ADAMTS14: variants seen among roughly 807,000 people sequenced by gnomAD.
The protein encoded by ADAMTS14 is A disintegrin and metalloproteinase with thrombospondin motifs 14.
ADAMTS14 carries 100 observed loss-of-function variants against 128.6 expected under a neutral mutation model. The observed-to-expected ratio is 0.78, with a 90% confidence interval of 0.66 to 0.92. The LOEUF (loss-of-function observed/expected upper bound fraction) is 0.92, where lower values mean the gene tolerates loss of function less well. Ranked by LOEUF, ADAMTS14 falls within the 40% of genes least tolerant of loss-of-function variation. The pLI is 0.00. For synonymous variants in ADAMTS14, 665 were observed against 653.8 expected, an observed-to-expected ratio of 1.02 and a Z score of -0.26; for missense variants, 1,562 against 1,658.6, an observed-to-expected ratio of 0.94 and a Z score of 1.01.
At chr10:70,724,465 A>G (rs1350284888) in intron 4 of ADAMTS14, among the ~76,000 whole-genome samples, 1 of 152,192 alleles carries the variant, frequency 6.6e-6, no homozygotes, top group Non-Finnish European at 1.5e-5. Flanking sequence ...GCAGCCATGG[A>G]GGGCCAAGGC....
chr10:70,710,354 C>T (rs1338563020), intron 4 of ADAMTS14, among the ~76,000 whole-genome samples: 2 of 152,234 alleles, frequency 1.3e-5, no homozygotes, highest in Non-Finnish European at 1.5e-5. Flanking sequence ...TTGAGTGAGG[C>T]CTCTTTTGAA....
At chr10:70,685,045 C>T (rs1009886739) in intron 2 of ADAMTS14, among the ~76,000 whole-genome samples, 4 of 152,282 alleles carry the variant, frequency 2.6e-5, no homozygotes, top group Non-Finnish European at 4.4e-5. Context: ...CCCATTCCAG[C>T]AAGGGCTGGT....
rs546518440 is a variant in ADAMTS14 at position 70,735,209 on chromosome 10, T to A, written c.1393T>A (p.Trp465Arg). 36 of 1,613,772 alleles carry A rather than the reference T, an allele frequency of 2.2e-5. 1 individual carries two copies. In the South Asian group the frequency reaches 3.5e-4, roughly 16 times the overall value. ...CLLDDPFDPA[W>R]PQPPELPGIN... ...CCTCGATGACCCCTTTGATCCTGCC[T>A]GGCCCCAGCCCCCAGAGCTGCCTGG... The change falls in exon 9 of 22, where the codon TGG becomes AGG. Residue 465 changes from tryptophan (W) to arginine (R), a missense_variant. Coordinates refer to ENST00000373207, the MANE Select transcript of ADAMTS14 (RefSeq NM_080722.4).
chr10:70,722,594 T>C (rs1841305655), intron 4 of ADAMTS14, among the ~76,000 whole-genome samples: 1 of 152,142 alleles, frequency 6.6e-6, no homozygotes, highest in South Asian at 2.1e-4. Flanking sequence ...GGGCAGGGAA[T>C]ATGCAAGATG....
intron 6 of ADAMTS14, 37 bp downstream of exon 6, chr10:70,730,286 T>C: frequency 6.3e-7 from 1 of 1,596,524 alleles, no homozygotes; most frequent in Non-Finnish European, 8.6e-7. Flanking sequence ...GCCAGGTGTG[T>C]GCAGCATGCA....
At position 70,672,681 on chromosome 10, in the gene ADAMTS14, G is replaced by A; in HGVS notation, c.-122G>A. On this transcript the variant is annotated 5_prime_UTR_variant, in exon 1 of 22. Coordinates refer to ENST00000373207, the MANE Select transcript of ADAMTS14 (RefSeq NM_080722.4). The stretch of plus-strand genomic sequence containing the variant: ...GAAGCAGCTAGGCGGGGAGGCGGCT[G>A]AGGCGGCAGCGGCGGCAGCCAGCCG... The A allele has an allele frequency of 8.0e-7, 1 of 1,249,118 alleles. No homozygotes were observed. The highest frequency in any genetic ancestry group is 1.0e-6 in the Non-Finnish European group (1 of 984,158). The allele number at this position is 1,249,118 out of a possible 1,614,324, so 77.4% of individuals were successfully genotyped here. A position where few individuals can be genotyped will look rare whatever the true frequency, so the allele number is the denominator to read the frequency against.
At chr10:70,727,530 A>G (rs1427296859) in intron 4 of ADAMTS14, among the ~76,000 whole-genome samples, 3 of 151,880 alleles carry the variant, frequency 2.0e-5, no homozygotes, top group African/African-American at 7.3e-5. Context: ...TCACCTCCCT[A>G]ACCGCACTGC....
chr10:70,751,371 C>T, intron 16 of ADAMTS14, 107 bp from the exon 17 acceptor site: 1 of 1,114,564 alleles, frequency 9.0e-7, no homozygotes, highest in African/African-American at 1.5e-5. Flanking sequence ...CTAGCTTTCA[C>T]AGGTTCTGCT....
chr10:70,727,968 T>C (rs921643553), intron 4 of ADAMTS14, among the ~76,000 whole-genome samples: 1 of 151,988 alleles, frequency 6.6e-6, no homozygotes. Context: ...TGGTGGCGGG[T>C]GCCTGTAGTC....
rs1444498279 is a variant in ADAMTS14, at chr10:70,762,261, GA to G, written c.*1409del. The stretch of plus-strand genomic sequence containing the variant: ...GCCCCTGGCCTGCAACCCCTTTGGA[GA>G]GTGGAGGTCCTGGGGGGCTCCCCGC... On this transcript the variant is annotated 3_prime_UTR_variant, in exon 22 of 22. Transcript: ENST00000373207. 4 of 152,404 alleles carry G rather than the reference GA, an allele frequency of 2.6e-5. No homozygotes were observed. Among genetic ancestry groups the G allele is most frequent in the Admixed American group, 6.5e-5 (1 of 15,294 alleles). The allele number at this position is 152,404 out of a possible 1,614,324, so 9.4% of individuals were successfully genotyped here. A position where few individuals can be genotyped will look rare whatever the true frequency, so the allele number is the denominator to read the frequency against.
At position 70,713,894 on chromosome 10, in the gene ADAMTS14, G is replaced by A. The variant is rs543596200; in HGVS notation, c.870+5116G>A. ...TACTGCTGTGTGTCTGCAGACCACTGCACAAGATATAATTGCAAGCTGGGT... is the reference window on the plus strand; with the variant it reads ...TACTGCTGTGTGTCTGCAGACCACTACACAAGATATAATTGCAAGCTGGGT... On this transcript the variant is annotated intron_variant, in intron 4 of 21. Transcript: ENST00000373207. Among the ~76,000 whole-genome samples, 30 of 152,282 alleles carry A rather than the reference G, an allele frequency of 2.0e-4. 1 individual carries two copies. In the South Asian group the frequency reaches 6.0e-3, roughly 30 times the overall value.
chr10:70,683,443 G>A (rs1404115891), intron 2 of ADAMTS14, among the ~76,000 whole-genome samples: 1 of 152,214 alleles, frequency 6.6e-6, no homozygotes, highest in African/African-American at 2.4e-5. Context: ...GGTCTTCAGT[G>A]TGGAAAGAGG....
intron 4 of ADAMTS14, among the ~76,000 whole-genome samples, chr10:70,723,598 T>C (rs566537620): frequency 9.2e-5 from 14 of 152,338 alleles, no homozygotes; most frequent in Admixed American, 2.6e-4. Context: ...AGTGAAGCAA[T>C]GCAAGGAGGC....
Position 70,740,473 on chromosome 10 carries a change from G to C in ADAMTS14, c.1749-514G>C, listed in dbSNP as rs1370957251. Reference sequence around the variant, plus strand: ...AATTAAGCCACAGCAAGGCTAAGTGGCCTGGCCAAGGTTGCACTGTCAGGA... The same window carrying C: ...AATTAAGCCACAGCAAGGCTAAGTGCCCTGGCCAAGGTTGCACTGTCAGGA... On this transcript the variant is annotated intron_variant, in intron 11 of 21. Coordinates refer to ENST00000373207, the MANE Select transcript of ADAMTS14 (RefSeq NM_080722.4). 2.0e-5 allele frequency among the ~76,000 whole-genome samples: 3 copies of C among 152,222 alleles called. No homozygotes were observed. The South Asian group carries it at 6.2e-4, about 32-fold the overall frequency.
In ADAMTS14 at chr10:70,708,550, G is replaced by A. The variant is rs766202224; in HGVS notation, c.680-38G>A. On this transcript the variant is annotated intron_variant, in intron 3 of 21. Transcript: ENST00000373207. The stretch of plus-strand genomic sequence containing the variant: ...CAATGTCACAGTGACAGCCCCTCCT[G>A]TGGGTTGGACCTCACTCTCTTCCTG... The A allele has an allele frequency of 5.8e-6, 9 of 1,560,506 alleles. No individual in the cohort carries two copies. In the East Asian group the frequency reaches 9.1e-5, roughly 16 times the overall value.
chr10:70,702,262 T>C (rs750405159), intron 2 of ADAMTS14, 50 bp from the exon 3 acceptor site: 1 of 1,612,468 alleles, frequency 6.2e-7, no homozygotes, highest in East Asian at 2.2e-5. Context: ...GTACTGTGTG[T>C]TCATGCCTCT....
At chr10:70,723,816 C>CCCACCCCAGCCACCCTGCCA (rs1841346087) in intron 4 of ADAMTS14, among the ~76,000 whole-genome samples, 1 of 152,192 alleles carries the variant, frequency 6.6e-6, no homozygotes, top group South Asian at 2.1e-4. Context: ...CTCTCCTGGG[C>CCCACCCCAGCCACCCTGCCA]CAGAGAAAGC....
intron 17 of ADAMTS14, 41 bp downstream of exon 17, chr10:70,751,687 C>G (rs1209651202): frequency 3.3e-5 from 53 of 1,589,968 alleles, no homozygotes; most frequent in Non-Finnish European, 4.5e-5. Flanking sequence ...TTGGGGCAGC[C>G]CAGGATCCCT....
rs752053668 is a variant in ADAMTS14 at position 70,749,946 on chromosome 10, C to T, written c.2388C>T (p.Leu796=). 27 of 1,614,020 alleles carry T rather than the reference C, an allele frequency of 1.7e-5. No homozygotes were observed. The East Asian group carries it at 4.7e-4, about 28-fold the overall frequency. Reference sequence around the variant, plus strand: ...CGGTGGAGGATGCCAAGGAAAGCCTCAAGACCAGCGGGCCCCTGCCTGAAG... The same window carrying T: ...CGGTGGAGGATGCCAAGGAAAGCCTTAAGACCAGCGGGCCCCTGCCTGAAG... ...EDAVEDAKES[L]KTSGPLPEAI... The change falls in exon 16 of 22, where the codon CTC becomes CTT. Residue 796 remains leucine, a synonymous_variant. Transcript: ENST00000373207.
Sources: gnomAD v4.1 joint callset for allele counts (sites outside exome capture counted in the v4.1 genomes callset) on GRCh38, gnomAD v4.1.1 for gene constraint, MANE v1.5 for transcripts, NCBI Gene and HGNC (gene_info 2026-07-23, HGNC 2026-07-21) for gene names.